The following AUTS2 variants were observed in gnomAD, a reference collection of about 807,000 sequenced individuals.
AUTS2 encodes activator of transcription and developmental regulator AUTS2.
AUTS2 carries 17 observed loss-of-function variants against 112.4 expected under a neutral mutation model. That is an observed-to-expected ratio of 0.15 (90% CI 0.10 to 0.23). The LOEUF (loss-of-function observed/expected upper bound fraction) is 0.23. Among genes scored for constraint, AUTS2 ranks in the 10% least tolerant of loss-of-function variants. AUTS2 has a pLI of 1.00. For missense variants in AUTS2, 1,510 were observed against 1,701.6 expected, an observed-to-expected ratio of 0.89 and a Z score of 1.98; for synonymous variants, 751 against 702.7, an observed-to-expected ratio of 1.07 and a Z score of -1.09.
chr7:70,744,442 G>T (rs1367658150), intron 6 of AUTS2, among the ~76,000 whole-genome samples: 1 of 152,142 alleles, frequency 6.6e-6, no homozygotes, highest in Non-Finnish European at 1.5e-5. Flanking sequence ...TGTCTTTAAG[G>T]TCAGGGTTTC....
At chr7:70,125,889 A>G (rs537423350) in intron 3 of AUTS2, among the ~76,000 whole-genome samples, 8 of 152,308 alleles carry the variant, frequency 5.3e-5, no homozygotes, top group African/African-American at 1.9e-4. Flanking sequence ...TTCAGTCCCT[A>G]TTAGTCCATC....
rs146843971 is a variant in AUTS2, at chr7:69,679,419, G to A, written c.309+79457G>A. Among the ~76,000 whole-genome samples, 297 of 152,268 alleles carry A rather than the reference G, an allele frequency of 2.0e-3. 1 individual carries two copies. The highest frequency in any genetic ancestry group is 6.8e-3 in the African/African-American group (284 of 41,560). ...GGGATTCCAGGTCTTACCTTATAAG[G>A]CAGCTCTGAGAATTGTTTAGTTAAT... On this transcript the variant is annotated intron_variant, in intron 1 of 18. Coordinates refer to ENST00000342771, the MANE Select transcript of AUTS2 (RefSeq NM_015570.4).
chr7:70,394,253 T>C (rs1305785905), intron 4 of AUTS2, among the ~76,000 whole-genome samples: 1 of 152,212 alleles, frequency 6.6e-6, no homozygotes, highest in African/African-American at 2.4e-5. Context: ...CCAAAACTTA[T>C]CTTGAGTTTC....
At chr7:70,198,263 A>G (rs534501626) in intron 4 of AUTS2, among the ~76,000 whole-genome samples, 2 of 150,192 alleles carry the variant, frequency 1.3e-5, no homozygotes, top group East Asian at 2.0e-4. Flanking sequence ...GAAAAACTGG[A>G]AACTCTAAAA....
At chr7:70,725,336 C>T (rs1193639414) in intron 6 of AUTS2, among the ~76,000 whole-genome samples, 3 of 152,000 alleles carry the variant, frequency 2.0e-5, no homozygotes, top group African/African-American at 7.3e-5. Flanking sequence ...TCATTGGCAG[C>T]GACTATCAAC....
intron 6 of AUTS2, among the ~76,000 whole-genome samples, chr7:70,761,938 C>T (rs1789588108): frequency 6.6e-6 from 1 of 152,186 alleles, no homozygotes; most frequent in South Asian, 2.1e-4. Flanking sequence ...AACTTTATTT[C>T]AGTTCCCGTT....
intron 1 of AUTS2, among the ~76,000 whole-genome samples, chr7:69,828,037 G>A (rs1350578949): frequency 6.6e-6 from 1 of 152,250 alleles, no homozygotes; most frequent in Non-Finnish European, 1.5e-5. Flanking sequence ...AATGGGTTGG[G>A]AAACAAGGTT....
At chr7:70,562,028 AGC>A (rs1184603400) in intron 5 of AUTS2, among the ~76,000 whole-genome samples, 3 of 152,150 alleles carry the variant, frequency 2.0e-5, no homozygotes, top group Non-Finnish European at 4.4e-5. Flanking sequence ...TGTTTAAAAA[AGC>A]CTGGCACTTC....
At chr7:70,189,401 G>C (rs1427954058) in intron 4 of AUTS2, among the ~76,000 whole-genome samples, 1 of 152,208 alleles carries the variant, frequency 6.6e-6, no homozygotes, top group Non-Finnish European at 1.5e-5. Flanking sequence ...TAGAAGGGAA[G>C]GATTCTTGTG....
At chr7:70,448,910 C>T (rs1194317366) in intron 5 of AUTS2, among the ~76,000 whole-genome samples, 1 of 152,224 alleles carries the variant, frequency 6.6e-6, no homozygotes, top group Non-Finnish European at 1.5e-5. Context: ...CACATGCTTA[C>T]AGTGCAACTC....
At chr7:70,649,500 T>A (rs1402820725) in intron 5 of AUTS2, among the ~76,000 whole-genome samples, 12 of 143,814 alleles carry the variant, frequency 8.3e-5, no homozygotes, top group African/African-American at 2.6e-4. Context: ...TGGTGATTTA[T>A]TTTATTTATT....
Position 69,865,125 on chromosome 7 carries a change from C to T in AUTS2, c.310-34161C>T, listed in dbSNP as rs115433339. On this transcript the variant is annotated intron_variant, in intron 1 of 18. Coordinates refer to ENST00000342771, the MANE Select transcript of AUTS2 (RefSeq NM_015570.4). ...TAGGTTTTTTTTTTTTTTTTAAGGG[C>T]GTTGTGTATTTAGACTGTGATATTC... is the stretch of plus-strand genomic sequence containing the variant. 5.5e-3 allele frequency among the ~76,000 whole-genome samples: 772 copies of T among 140,846 alleles called. 12 individuals carry two copies. Among genetic ancestry groups the T allele is most frequent in the African/African-American group, 0.019 (718 of 37,356 alleles). The allele number at this position is 140,846 out of a possible 152,430, so 92.4% of individuals were successfully genotyped here. A position where few individuals can be genotyped will look rare whatever the true frequency, so the allele number is the denominator to read the frequency against.
At chr7:70,555,194 C>T (rs905059907) in intron 5 of AUTS2, among the ~76,000 whole-genome samples, 9 of 152,170 alleles carry the variant, frequency 5.9e-5, no homozygotes, top group Non-Finnish European at 1.2e-4. Context: ...AGTGCCCACC[C>T]ATCTTGCCCA....
intron 1 of AUTS2, among the ~76,000 whole-genome samples, chr7:69,640,485 T>C (rs1794754916): frequency 6.6e-6 from 1 of 152,232 alleles, no homozygotes. Context: ...ATTTATTGGT[T>C]TCTTCAACCC....
rs78092391 is a variant in AUTS2 at position 69,721,334 on chromosome 7, C to T, written c.309+121372C>T. 8.1e-3 allele frequency among the ~76,000 whole-genome samples: 1,229 copies of T among 152,286 alleles called. 7 individuals carry two copies. Among genetic ancestry groups the T allele is most frequent in the Non-Finnish European group, 0.013 (874 of 68,030 alleles). ...TTGATTCAGGTTGCTGCTAGAAGCT[C>T]CCTTATCAGAGAGACCTTTAGTGAC... is the stretch of plus-strand genomic sequence containing the variant. On this transcript the variant is annotated intron_variant, in intron 1 of 18. Coordinates refer to ENST00000342771, the MANE Select transcript of AUTS2 (RefSeq NM_015570.4).
intron 2 of AUTS2, among the ~76,000 whole-genome samples, chr7:70,059,595 G>A (rs907096011): frequency 1.3e-5 from 2 of 152,152 alleles, no homozygotes; most frequent in Non-Finnish European, 2.9e-5. Flanking sequence ...TATGAAAGAG[G>A]TGCCATCTGA....
At chr7:69,914,954 A>G (rs1795515405) in intron 2 of AUTS2, among the ~76,000 whole-genome samples, 1 of 152,176 alleles carries the variant, frequency 6.6e-6, no homozygotes, top group Non-Finnish European at 1.5e-5. Context: ...CATTGAGCAA[A>G]CATCAACTGA....
chr7:70,266,734 A>G (rs1237037172), intron 4 of AUTS2, among the ~76,000 whole-genome samples: 2 of 152,218 alleles, frequency 1.3e-5, no homozygotes, highest in East Asian at 1.9e-4. Context: ...GCTGTTTAAA[A>G]AAAACCCTCT....
intron 1 of AUTS2, among the ~76,000 whole-genome samples, chr7:69,730,027 A>G (rs1584148349): frequency 2.5e-5 from 2 of 79,420 alleles, no homozygotes; most frequent in African/African-American, 1.2e-4. Context: ...TTTAGAAACT[A>G]GGTCTTCCTA....
Sources: gnomAD v4.1 joint callset for allele counts (sites outside exome capture counted in the v4.1 genomes callset) on GRCh38, gnomAD v4.1.1 for gene constraint, MANE v1.5 for transcripts, NCBI Gene and HGNC (gene_info 2026-07-23, HGNC 2026-07-21) for gene names.